Variants in CSMD1 observed in about 807,000 individuals in gnomAD.
CSMD1 encodes CUB and Sushi multiple domains 1, also known as CUB and sushi domain-containing protein 1.
A neutral mutation model predicts 417.5 loss-of-function variants in CSMD1; 213 were observed. The observed-to-expected ratio is 0.51, with a 90% CI of 0.46 to 0.57. The LOEUF is 0.57. Ranked by LOEUF, CSMD1 falls within the 20% of genes least tolerant of loss-of-function variation. The pLI, the probability that CSMD1 is intolerant of heterozygous loss-of-function variation, is 0.00. For missense variants in CSMD1, 6,923 were observed against 4,529.7 expected (o/e 1.53, Z -15.17); for synonymous variants, 2,862 against 1,736.8 (o/e 1.65, Z -16.11).
intron 5 of CSMD1, among the ~76,000 whole-genome samples, chr8:3,913,861 G>A (rs1168260735): frequency 6.6e-6 from 1 of 151,756 alleles, no homozygotes; most frequent in Non-Finnish European, 1.5e-5. Flanking sequence ...TCCTGTGTGT[G>A]TATATATAAT....
intron 36 of CSMD1, among the ~76,000 whole-genome samples, chr8:3,182,028 G>A (rs993760489): frequency 1.3e-5 from 2 of 152,128 alleles, no homozygotes; most frequent in Non-Finnish European, 2.9e-5. Flanking sequence ...TCTCTAAATT[G>A]GAAGTGTAGA....
Position 4,409,557 on chromosome 8 carries a change from G to T in CSMD1, c.415+10396C>A, listed in dbSNP as rs574669715. Among the ~76,000 whole-genome samples, 115 of 152,032 alleles carry T rather than the reference G, an allele frequency of 7.6e-4. 1 individual carries two copies. Among genetic ancestry groups the T allele is most frequent in the African/African-American group, 2.6e-3 (108 of 41,482 alleles). On this transcript the variant is annotated intron_variant, in intron 3 of 69. Coordinates refer to ENST00000635120, the MANE Select transcript of CSMD1 (RefSeq NM_033225.6). ...GCAGCTCATTGTTAATTCAGAACAT[G>T]CCACTCAACACTTCAGCAGGGATGA...
At chr8:4,646,172 C>T (rs909064848) in intron 1 of CSMD1, among the ~76,000 whole-genome samples, 1 of 152,122 alleles carries the variant, frequency 6.6e-6, no homozygotes, top group Non-Finnish European at 1.5e-5. Context: ...AACATAGCAC[C>T]CATTGCCAGT....
chr8:4,792,973 A>T lies in CSMD1; in HGVS notation c.86-155415T>A, dbSNP rs10094783. Among the ~76,000 whole-genome samples the T allele has an allele frequency of 9.8e-3, 1,080 of 110,370 alleles. 12 individuals are homozygous for T. Among genetic ancestry groups the T allele is most frequent in the African/African-American group, 0.03 (1,017 of 34,096 alleles). The allele number at this position is 110,370 out of a possible 152,430, so 72.4% of individuals were successfully genotyped here. A position where few individuals can be genotyped will look rare whatever the true frequency, so the allele number is the denominator to read the frequency against. Reference sequence around the variant, plus strand: ...ATGTATATGGAATATATGTGTATATATGTGTATGCAATATATATATATATA... The same window carrying T: ...ATGTATATGGAATATATGTGTATATTTGTGTATGCAATATATATATATATA... On this transcript the variant is annotated intron_variant, in intron 1 of 69. Coordinates refer to ENST00000635120, the MANE Select transcript of CSMD1 (RefSeq NM_033225.6).
chr8:3,543,214 C>G (rs769023533), intron 10 of CSMD1, among the ~76,000 whole-genome samples: 1 of 152,138 alleles, frequency 6.6e-6, no homozygotes, highest in Non-Finnish European at 1.5e-5. Context: ...GTCTTAGCAG[C>G]AAGGGAGGTG....
At chr8:3,814,350 C>G (rs1020744912) in intron 5 of CSMD1, among the ~76,000 whole-genome samples, 4 of 152,172 alleles carry the variant, frequency 2.6e-5, no homozygotes, top group Non-Finnish European at 5.9e-5. Context: ...CCAAGGACAT[C>G]TTTGACTCTA....
chr8:3,538,523 T>A (rs1191014999), intron 10 of CSMD1, among the ~76,000 whole-genome samples: 1 of 151,708 alleles, frequency 6.6e-6, no homozygotes, highest in African/African-American at 2.4e-5. Flanking sequence ...ATGCCCCACC[T>A]GCGATGCCTC....
At chr8:4,015,502 T>C (rs112690776) in intron 4 of CSMD1, among the ~76,000 whole-genome samples, 7 of 152,168 alleles carry the variant, frequency 4.6e-5, no homozygotes, top group African/African-American at 1.4e-4. Flanking sequence ...CAGCTTCAGA[T>C]AGGTCTAAAA....
intron 1 of CSMD1, among the ~76,000 whole-genome samples, chr8:4,741,788 C>T (rs1416062742): frequency 6.6e-6 from 1 of 152,026 alleles, no homozygotes; most frequent in Non-Finnish European, 1.5e-5. Flanking sequence ...TGCAAATCTG[C>T]TTCTAAACAG....
intron 2 of CSMD1, among the ~76,000 whole-genome samples, chr8:4,630,036 C>T (rs1802413654): frequency 6.6e-6 from 1 of 152,004 alleles, no homozygotes; most frequent in African/African-American, 2.4e-5. Flanking sequence ...GGTTTTGCTG[C>T]TTTTTAAAAA....
intron 2 of CSMD1, among the ~76,000 whole-genome samples, chr8:4,517,150 T>G (rs1440226942): frequency 6.6e-6 from 1 of 152,356 alleles, no homozygotes; most frequent in African/African-American, 2.4e-5. Flanking sequence ...TGATTATAAG[T>G]ACCTACTGTA....
chr8:3,556,415 T>TATATATATATATATATATATACACATA (rs1799148435), intron 10 of CSMD1, among the ~76,000 whole-genome samples: 11 of 57,096 alleles, frequency 1.9e-4, no homozygotes, highest in African/African-American at 6.8e-4. Context: ...ATATATATAT[T>TATATATATATATATATATATACACATA]CACACACACA....
chr8:4,215,537 C>A (rs548049849), intron 3 of CSMD1, among the ~76,000 whole-genome samples: 33 of 151,386 alleles, frequency 2.2e-4, no homozygotes, highest in Middle Eastern at 3.4e-3. Flanking sequence ...AGACCAGGAT[C>A]CTTTACATTG....
chr8:3,302,113 G>C (rs921464611), intron 25 of CSMD1, among the ~76,000 whole-genome samples: 1 of 152,016 alleles, frequency 6.6e-6, no homozygotes, highest in African/African-American at 2.4e-5. Context: ...CCCCTTGGAG[G>C]GAGACAGTAA....
At chr8:4,142,287 T>A (rs1214679972) in intron 3 of CSMD1, among the ~76,000 whole-genome samples, 3 of 151,104 alleles carry the variant, frequency 2.0e-5, no homozygotes, top group Non-Finnish European at 4.4e-5. Flanking sequence ...TAAGGTAATG[T>A]TTCATGCTCC....
At chr8:3,358,612 C>G (rs1808952836) in intron 21 of CSMD1, among the ~76,000 whole-genome samples, 1 of 152,188 alleles carries the variant, frequency 6.6e-6, no homozygotes, top group South Asian at 2.1e-4. Context: ...TCGGAATTAT[C>G]TCTTGGATTC....
At chr8:3,917,552 T>C (rs1045610560) in intron 5 of CSMD1, among the ~76,000 whole-genome samples, 4 of 152,184 alleles carry the variant, frequency 2.6e-5, no homozygotes, top group African/African-American at 4.8e-5. Context: ...GGAATGCCTT[T>C]TTTGAAACTG....
chr8:3,916,759 G>C (rs772130411), intron 5 of CSMD1, among the ~76,000 whole-genome samples: 22 of 152,214 alleles, frequency 1.4e-4, no homozygotes, highest in Admixed American at 5.2e-4. Context: ...CAAAACTAGA[G>C]AGAGAAAAAA....
chr8:3,939,737 G>C (rs1054716198), intron 5 of CSMD1, among the ~76,000 whole-genome samples: 2 of 152,106 alleles, frequency 1.3e-5, no homozygotes, highest in Non-Finnish European at 2.9e-5. Context: ...TGAACCTGGA[G>C]ACCATTAGTC....
Sources: allele counts gnomAD v4.1 joint callset (sites outside exome capture counted in the v4.1 genomes callset), GRCh38; gene constraint gnomAD v4.1.1; transcripts MANE v1.5; gene names NCBI Gene and HGNC (gene_info 2026-07-23, HGNC 2026-07-21).